The following NOP56 variants were observed in gnomAD, a reference collection of about 807,000 sequenced individuals.
NOP56 encodes the protein NOP56 ribonucleoprotein.
A neutral mutation model predicts 58.3 loss-of-function variants in NOP56; 31 were observed. The ratio of observed to expected loss-of-function variants is 0.53; its 90% CI spans 0.40 to 0.72. NOP56 has a LOEUF of 0.72. NOP56 is among the 30% of genes least tolerant of loss of function. The probability of loss-of-function intolerance (pLI) is 0.00; values close to 1 mark genes in which losing one functional copy is unlikely to be tolerated. For missense variants in NOP56, 669 were observed against 739.9 expected, an observed-to-expected ratio of 0.90 and a Z score of 1.11; for synonymous variants, 313 against 282.8, an observed-to-expected ratio of 1.11 and a Z score of -1.07.
In NOP56 at chr20:2,654,733, C is replaced by T. The variant is rs1488018915; in HGVS notation, c.371-16C>T. 2 of 1,613,142 alleles carry T rather than the reference C, an allele frequency of 1.2e-6. No individual in the cohort carries two copies. Among genetic ancestry groups the T allele is most frequent in the East Asian group, 2.2e-5 (1 of 44,904 alleles). On this transcript the variant is annotated splice_polypyrimidine_tract_variant and intron_variant, in intron 4 of 11. Transcript: ENST00000329276. ...CTCAGAGCCCCTTGTTGCTCACCGT[C>T]TTGCCCTCTTCTTAGGAGTTCGTCT...
At chr20:2,652,700 TG>T in intron 1 of NOP56, 37 bp downstream of exon 1, 1 of 1,461,438 alleles carries the variant, frequency 6.8e-7, no homozygotes, top group Non-Finnish European at 9.0e-7. Flanking sequence ...GACGCGACGG[TG>T]GGGGTTTCGG....
At chr20:2,653,896 G>C (rs981960126) in intron 3 of NOP56, 1 of 310,480 alleles carries the variant, frequency 3.2e-6, no homozygotes, top group Admixed American at 4.0e-5. Flanking sequence ...CTCGTGATCC[G>C]CCCGCCTCGA....
intron 11 of NOP56, chr20:2,657,515 T>G (rs1249036843): frequency 1.8e-5 from 11 of 611,552 alleles, no homozygotes; most frequent in Non-Finnish European, 2.7e-5. Context: ...CTCTGCTTAT[T>G]ATCAGACGTG....
rs2086812494 is a variant in NOP56, at chr20:2,656,054, C to T, written c.1010+20C>T. ...GTTCAGGTACCAGTGAGGGCACCTG[C>T]CCACAATCAGGTGCCACTTCTGGTG... On this transcript the variant is annotated intron_variant, in intron 8 of 11. Coordinates refer to ENST00000329276, the MANE Select transcript of NOP56 (RefSeq NM_006392.4). 1.2e-6 allele frequency: 2 copies of T among 1,614,034 alleles called. No homozygotes were observed. The highest frequency in any genetic ancestry group is 4.5e-5 in the East Asian group (2 of 44,878).
chr20:2,653,274 C>G lies in NOP56; in HGVS notation c.94-5C>G. 1.9e-6 allele frequency: 3 copies of G among 1,611,220 alleles called. No homozygotes were observed. The highest frequency in any genetic ancestry group is 1.1e-5 in the South Asian group (1 of 91,024). On this transcript the variant is annotated splice_polypyrimidine_tract_variant and splice_region_variant and intron_variant, in intron 2 of 11. Coordinates refer to ENST00000329276, the MANE Select transcript of NOP56 (RefSeq NM_006392.4). ...GGAAACCACTTAGCCTCTTTCTCCCCCCAGGTGGAGGAGTCTGTGCTCAAC... is the reference window on the plus strand; with the variant it reads ...GGAAACCACTTAGCCTCTTTCTCCCGCCAGGTGGAGGAGTCTGTGCTCAAC...
At position 2,653,358 on chromosome 20, in the gene NOP56, A is replaced by G; in HGVS notation, c.173A>G (p.Gln58Arg). 6.2e-7 allele frequency: 1 copy of G among 1,614,116 alleles called. No individual in the cohort carries two copies. Among genetic ancestry groups the G allele is most frequent in the Non-Finnish European group, 8.5e-7 (1 of 1,180,008 alleles). ...GCCTTTTGTCCCTTTGCCTCATCCC[A>G]GGTTGCCTTGGAAAATGCCAACGCC... The part of the protein sequence containing the change: ...LVAFCPFASS[Q>R]VALENANAVS... Residue 58 changes from glutamine (Q) to arginine (R), a missense_variant, in exon 3 of 12, where the codon CAG becomes CGG. Gln to Arg is a conservative substitution (Grantham distance 43, BLOSUM62 1). Coordinates refer to ENST00000329276, the MANE Select transcript of NOP56 (RefSeq NM_006392.4).
chr20:2,656,635 G>A lies in NOP56; in HGVS notation c.1159+86G>A, dbSNP rs192897722. 143 of 1,607,170 alleles carry A rather than the reference G, an allele frequency of 8.9e-5. No individual in the cohort carries two copies. The East Asian group carries it at 3.1e-3, about 35-fold the overall frequency. On this transcript the variant is annotated intron_variant, in intron 9 of 11. Transcript: ENST00000329276. ...TGCAACCATAGCTTCCACAATGATG[G>A]CAATATTTTTCGTCAACAGCAGTTC...
Position 2,654,209 on chromosome 20 carries a change from G to T in NOP56, c.209-205G>T, listed in dbSNP as rs367992061. 8.5e-5 allele frequency: 64 copies of T among 756,406 alleles called. 1 individual carries two copies. In the African/African-American group the frequency reaches 9.5e-4, roughly 11 times the overall value. 46.9% of individuals were successfully genotyped at this position (756,406 alleles called of 1,614,324 possible). A position where few individuals can be genotyped will look rare whatever the true frequency, so the allele number is the denominator to read the frequency against. ...GCAGTTGTTCCCATGGCTGGGCCAGGCTTTGCAGTGATGACTTGCGAATCA... is the reference window on the plus strand; with the variant it reads ...GCAGTTGTTCCCATGGCTGGGCCAGTCTTTGCAGTGATGACTTGCGAATCA... On this transcript the variant is annotated intron_variant, in intron 3 of 11. Transcript: ENST00000329276.
chr20:2,652,697 C>T (rs375506624), intron 1 of NOP56, 34 bp downstream of exon 1: 34 of 1,470,344 alleles, frequency 2.3e-5, no homozygotes, highest in Non-Finnish European at 3.0e-5. Context: ...GGCGACGCGA[C>T]GGTGGGGGTT....
chr20:2,655,183 G>C, intron 5 of NOP56, 142 bp from the exon 6 acceptor site: 1 of 1,201,872 alleles, frequency 8.3e-7, no homozygotes, highest in Non-Finnish European at 1.2e-6. Flanking sequence ...TCTGTATTGT[G>C]AATGGGGGAA....
chr20:2,658,167 G>C lies in NOP56; in HGVS notation c.1658G>C (p.Arg553Thr), dbSNP rs745554497. The C allele has an allele frequency of 6.2e-7, 1 of 1,612,956 alleles. No individual in the cohort carries two copies. Among genetic ancestry groups the C allele is most frequent in the Non-Finnish European group, 8.5e-7 (1 of 1,179,426 alleles). Reference protein sequence around the residue: ...TVNDPEEAGHRSGSKKKRKFS... With the variant: ...TVNDPEEAGHTSGSKKKRKFS... ...AATGACCCTGAGGAGGCAGGCCACA[G>C]AAGTGGCTCCAAGAAAAAGAGGAAA... is the stretch of plus-strand genomic sequence containing the variant. The change falls in exon 12 of 12, where the codon AGA (arginine) becomes ACA (threonine). Residue 553 changes from arginine (R) to threonine (T), a missense_variant. Physicochemically the swap from Arg to Thr is moderately conservative, Grantham distance 71. This residue lies in a region of NOP56 where 209 missense variants were observed against 196.2 expected (regional missense o/e 1.07). Transcript: ENST00000329276.
chr20:2,655,794 G>A, intron 7 of NOP56, 48 bp downstream of exon 7: 2 of 1,613,786 alleles, frequency 1.2e-6, no homozygotes, highest in Non-Finnish European at 1.7e-6. Flanking sequence ...CTGTTGCCAT[G>A]TGCACCTGCA....
At position 2,658,189 on chromosome 20, in the gene NOP56, G is replaced by A. The variant is rs2086854654; in HGVS notation, c.1680G>A (p.Arg560=). The A allele has an allele frequency of 6.2e-7, 1 of 1,609,948 alleles. No individual in the cohort carries two copies. The highest frequency in any genetic ancestry group is 8.5e-7 in the Non-Finnish European group (1 of 1,177,882). ...AGHRSGSKKK[R]KFSKEEPVSS... ...ACAGAAGTGGCTCCAAGAAAAAGAG[G>A]AAATTCTCCAAAGAGGAGCCGGTCA... The change falls in exon 12 of 12, where the codon AGG becomes AGA. Residue 560 remains arginine, a synonymous_variant. Transcript: ENST00000329276.
Position 2,657,176 on chromosome 20 carries a change from C to A in NOP56, c.1377C>A (p.Leu459=). 1 of 1,614,086 alleles carries A rather than the reference C, an allele frequency of 6.2e-7. No individual in the cohort carries two copies. The highest frequency in any genetic ancestry group is 8.5e-7 in the Non-Finnish European group (1 of 1,180,014). The part of the protein sequence containing the change: ...KEKKRLAALA[L]ASSENSSSTP... ...AGAAACGGCTGGCTGCACTTGCCCT[C>A]GCGTCTTCAGAAAACAGCAGTAGTA... The change falls in exon 11 of 12, where the codon CTC becomes CTA. Residue 459 remains leucine (L), a synonymous_variant. Coordinates refer to ENST00000329276, the MANE Select transcript of NOP56 (RefSeq NM_006392.4).
chr20:2,657,123 CAGG>C lies in NOP56; in HGVS notation c.1327_1329del (p.Glu443del), dbSNP rs763275712. 7.6e-5 allele frequency: 123 copies of C among 1,614,166 alleles called. 1 individual carries two copies. The South Asian group carries it at 1.2e-3, about 15-fold the overall frequency. ...TGAGATTACTAGGAAGCTGGAGAAA[CAGG>C]AGAAGAAACGCTTAAAGAAGGAAAA... On this transcript the variant is annotated inframe_deletion, in exon 11 of 12. Transcript: ENST00000329276.
chr20:2,657,435 C>G (rs930024857), intron 11 of NOP56: 33 of 750,706 alleles, frequency 4.4e-5, no homozygotes, highest in African/African-American at 4.1e-4. Flanking sequence ...CACACCCGTT[C>G]CCTGGGCATG....
intron 11 of NOP56, chr20:2,657,513 A>G (rs1321650056): frequency 3.2e-6 from 2 of 615,484 alleles, no homozygotes; most frequent in Non-Finnish European, 3.0e-6. Context: ...TGCTCTGCTT[A>G]TTATCAGACG....
rs1042551585 is a variant in NOP56 at position 2,653,696 on chromosome 20, G to A, written c.208+303G>A. The A allele has an allele frequency of 1.4e-5, 4 of 280,792 alleles. No individual in the cohort carries two copies. In the East Asian group the frequency reaches 2.7e-4, roughly 19 times the overall value. 17.4% of individuals were successfully genotyped at this position (280,792 alleles called of 1,614,324 possible). On this transcript the variant is annotated intron_variant, in intron 3 of 11. Transcript: ENST00000329276. ...TTTTTGAGATGGAGTCTGTCCCCCA[G>A]GCTGGAGTGCAGTGGCAAGATCTGG...
At position 2,652,903 on chromosome 20, in the gene NOP56, T is replaced by C; in HGVS notation, c.65T>C (p.Val22Ala). Residue 22 changes from valine to alanine, a missense_variant, in exon 2 of 12, where the codon GTG becomes GCG. Val to Ala is a moderately conservative substitution (Grantham distance 64). Coordinates refer to ENST00000329276, the MANE Select transcript of NOP56 (RefSeq NM_006392.4). ...TACGCGCTGCTGGCGCTGAAGGAAG[T>C]GGAGGAGATCAGTCTGCTGCAGCCG... ...VGYALLALKEVEEISLLQPQV... is the reference protein window; with the variant it reads ...VGYALLALKEAEEISLLQPQV... The C allele has an allele frequency of 6.2e-7, 1 of 1,609,218 alleles. No individual in the cohort carries two copies. Among genetic ancestry groups the C allele is most frequent in the Non-Finnish European group, 8.5e-7 (1 of 1,178,146 alleles).
Sources: allele counts gnomAD v4.1 joint callset, GRCh38; gene constraint gnomAD v4.1.1; regional missense constraint gnomAD v4.1.1; transcripts MANE v1.5; gene names NCBI Gene and HGNC (gene_info 2026-07-23, HGNC 2026-07-21).